Variants in IDE observed in about 807,000 individuals in gnomAD.
IDE encodes insulin-degrading enzyme.
Under a neutral mutation model 133.2 loss-of-function variants are expected in IDE, and 58 were observed. The ratio of observed to expected loss-of-function variants is 0.44; its 90% confidence interval spans 0.35 to 0.54. The LOEUF (loss-of-function observed/expected upper bound fraction) is 0.54, where lower values mean the gene tolerates loss of function less well. Among genes scored for constraint, IDE ranks in the 20% least tolerant of loss-of-function variants. IDE has a pLI of 0.00. For missense variants in IDE, 981 were observed against 1,234.0 expected (o/e 0.79, Z 3.07); for synonymous variants, 396 against 421.3 (o/e 0.94, Z 0.73).
In IDE at chr10:92,573,969, G is replaced by A; in HGVS notation, c.51C>T (p.Phe17=). ...GCAGGCGGGCGCCGAGGACTGAGCG[G>A]AAGGTGCTGGGCAGTGCGGGGTGCA... is the stretch of plus-strand genomic sequence containing the variant. ...WLLHPALPST[F]RSVLGARLPP... is the part of the protein sequence containing the mutation. Residue 17 remains phenylalanine (F), a synonymous_variant, in exon 1 of 25, where the codon TTC becomes TTT. Transcript: ENST00000265986. 6.7e-7 allele frequency: 1 copy of A among 1,489,240 alleles called. No homozygotes were observed. Among genetic ancestry groups the A allele is most frequent in the South Asian group, 1.3e-5 (1 of 76,866 alleles). The allele number at this position is 1,489,240 out of a possible 1,614,324, so 92.3% of individuals were successfully genotyped here.
rs367798730 is a variant in IDE at position 92,494,394 on chromosome 10, C to T, written c.1431-3799G>A. 2.4e-4 allele frequency among the ~76,000 whole-genome samples: 34 copies of T among 144,444 alleles called. No homozygotes were observed. In the East Asian group the frequency reaches 4.0e-3, roughly 17 times the overall value. The allele number at this position is 144,444 out of a possible 152,430, so 94.8% of individuals were successfully genotyped here. ...AGTTTTTTTTTTTTTTTTAATGTGG[C>T]TAGAGTGTGGGGGAAGAAAAGGCTG... On this transcript the variant is annotated intron_variant, in intron 11 of 24. Transcript: ENST00000265986.
At chr10:92,516,544 G>T (rs534865242) in intron 4 of IDE, among the ~76,000 whole-genome samples, 8 of 152,264 alleles carry the variant, frequency 5.3e-5, no homozygotes, top group African/African-American at 1.7e-4. Context: ...ATCCCTATGA[G>T]ATAGTAGGTA....
intron 11 of IDE, among the ~76,000 whole-genome samples, chr10:92,498,953 G>T (rs1194666972): frequency 6.6e-6 from 1 of 152,126 alleles, no homozygotes; most frequent in African/African-American, 2.4e-5. Context: ...AATTCAACCG[G>T]ATTTAGGCTG....
chr10:92,496,431 T>C (rs1480555791), intron 11 of IDE, among the ~76,000 whole-genome samples: 3 of 152,172 alleles, frequency 2.0e-5, no homozygotes, highest in Non-Finnish European at 2.9e-5. Flanking sequence ...CTCTTTAAAC[T>C]GTAAAGGTGG....
chr10:92,562,989 G>A (rs12266443), intron 1 of IDE, among the ~76,000 whole-genome samples: 10,210 of 152,090 alleles, frequency 0.067, 486 homozygotes, highest in African/African-American at 0.12. Context: ...AGTGGCTCAC[G>A]CCTGTAATCC....
chr10:92,505,767 G>C (rs1848262768), intron 10 of IDE, among the ~76,000 whole-genome samples: 1 of 152,176 alleles, frequency 6.6e-6, no homozygotes, highest in African/African-American at 2.4e-5. Flanking sequence ...GTTTCATGTA[G>C]AGAAAATAGC....
At chr10:92,561,082 GTCTT>G (rs1843258499) in intron 1 of IDE, among the ~76,000 whole-genome samples, 1 of 151,314 alleles carries the variant, frequency 6.6e-6, no homozygotes. Flanking sequence ...GTGAAACCCT[GTCTT>G]TCTACTAAAA....
At chr10:92,522,914 A>C (rs754360592) in intron 4 of IDE, among the ~76,000 whole-genome samples, 13 of 152,164 alleles carry the variant, frequency 8.5e-5, no homozygotes, top group Non-Finnish European at 1.9e-4. Flanking sequence ...GATCCTGGAA[A>C]ATCAAAGCTA....
In IDE at chr10:92,479,439, C is replaced by T. The variant is rs1225856341; in HGVS notation, c.1740-18G>A. The T allele has an allele frequency of 1.9e-6, 3 of 1,581,864 alleles. No individual in the cohort carries two copies. The Admixed American group carries it at 5.1e-5, about 27-fold the overall frequency. ...CAAATGGGCTGGAAGAAAATGTTGA[C>T]AGTAAAATAGCTGATTTTATTACTT... On this transcript the variant is annotated intron_variant, in intron 14 of 24. Transcript: ENST00000265986.
rs1844833485 is a variant in IDE, at chr10:92,453,274, A to C, written c.*1170T>G. On this transcript the variant is annotated 3_prime_UTR_variant, in exon 25 of 25. Coordinates refer to ENST00000265986, the MANE Select transcript of IDE (RefSeq NM_004969.4). ...CTACAGTAACAATTTCACCTAAAAT[A>C]GTATCTCATGAAAAAAATATTTTTT... 1 of 152,206 alleles carries C rather than the reference A, an allele frequency of 6.6e-6. No homozygotes were observed. Among genetic ancestry groups the C allele is most frequent in the Non-Finnish European group, 1.5e-5 (1 of 68,024 alleles). The allele number at this position is 152,206 out of a possible 1,614,324, so 9.4% of individuals were successfully genotyped here.
chr10:92,524,447 T>TATATATTTTATATAATATATAA (rs1564647991), intron 4 of IDE, among the ~76,000 whole-genome samples: 2 of 10,736 alleles, frequency 1.9e-4, no homozygotes, highest in African/African-American at 4.4e-4. Context: ...ATAATATATT[T>TATATATTTTATATAATATATAA]TATATATTAT....
At position 92,463,747 on chromosome 10, in the gene IDE, T is replaced by C. The variant is rs368115848; in HGVS notation, c.2745A>G (p.Gln915=). The C allele has an allele frequency of 1.2e-6, 2 of 1,613,974 alleles. No individual in the cohort carries two copies. The highest frequency in any genetic ancestry group is 1.7e-6 in the Non-Finnish European group (2 of 1,179,874). The part of the protein sequence containing the change: ...AKYWGEIISQ[Q]YNFDRDNTEV... ...TTACCTTACCTCTGTCAAAATTATATTGCTGGGAGATGATTTCTCCCCAGT... is the reference window on the plus strand; with the variant it reads ...TTACCTTACCTCTGTCAAAATTATACTGCTGGGAGATGATTTCTCCCCAGT... Residue 915 remains glutamine, a synonymous_variant, in exon 21 of 25, where the codon CAA becomes CAG. Transcript: ENST00000265986.
chr10:92,557,557 A>G (rs1407098897), intron 1 of IDE, among the ~76,000 whole-genome samples: 1 of 151,930 alleles, frequency 6.6e-6, no homozygotes, highest in Non-Finnish European at 1.5e-5. Context: ...TTAATGGAAC[A>G]GAACAGAAAG....
intron 20 of IDE, 127 bp downstream of exon 20, chr10:92,465,549 T>C: frequency 1.3e-6 from 1 of 783,252 alleles, no homozygotes; most frequent in Non-Finnish European, 2.1e-6. Flanking sequence ...TAATAAGGTT[T>C]TCTCAAGTCT....
At chr10:92,572,574 A>G (rs1843836475) in intron 1 of IDE, among the ~76,000 whole-genome samples, 1 of 152,152 alleles carries the variant, frequency 6.6e-6, no homozygotes, top group Non-Finnish European at 1.5e-5. Flanking sequence ...CCCCAGTTCC[A>G]TCAGATAACT....
At chr10:92,493,137 G>A (rs1246574247) in intron 11 of IDE, among the ~76,000 whole-genome samples, 1 of 152,206 alleles carries the variant, frequency 6.6e-6, no homozygotes. Flanking sequence ...GGTAGTTCAA[G>A]AATCCCGTTT....
At chr10:92,573,032 T>C in intron 1 of IDE, 7 of 985,440 alleles carry the variant, frequency 7.1e-6, no homozygotes, top group Non-Finnish European at 8.4e-6. Context: ...ACTTAGTAGG[T>C]GCTGGCTATT....
At chr10:92,514,018 TAGCCAATCTCCTATTAAC>T (rs772065971) in intron 5 of IDE, among the ~76,000 whole-genome samples, 9 of 152,224 alleles carry the variant, frequency 5.9e-5, no homozygotes, top group Non-Finnish European at 1.3e-4. Context: ...AATCAGTATT[TAGCCAATCTCCTATTAAC>T]ATTTAGATTT....
chr10:92,530,736 G>A (rs1342205132), intron 4 of IDE, among the ~76,000 whole-genome samples: 1 of 152,160 alleles, frequency 6.6e-6, no homozygotes, highest in Non-Finnish European at 1.5e-5. Flanking sequence ...AATATTGAGT[G>A]CCAAGTACCA....
Sources: gnomAD v4.1 joint callset for allele counts (sites outside exome capture counted in the v4.1 genomes callset) on GRCh38, gnomAD v4.1.1 for gene constraint, MANE v1.5 for transcripts, NCBI Gene and HGNC (gene_info 2026-07-23, HGNC 2026-07-21) for gene names.